The following SH3BGR variants were observed in gnomAD, a reference collection of about 807,000 sequenced individuals.
SH3BGR encodes SH3 domain binding glutamate rich protein, also known as SH3 domain-binding glutamic acid-rich protein.
In SH3BGR, 29 loss-of-function variants were observed where a neutral mutation model predicts 24.5. The ratio of observed to expected loss-of-function variants is 1.18; its 90% CI spans 0.88 to 1.61. SH3BGR has a LOEUF of 1.61. Ranked by LOEUF, SH3BGR falls within the 40% of genes most tolerant of loss-of-function variation. The pLI, the probability that SH3BGR is intolerant of heterozygous loss-of-function variation, is 0.00. For missense variants in SH3BGR, 162 were observed against 205.8 expected (o/e 0.79, Z 1.30); for synonymous variants, 55 against 65.7 (o/e 0.84, Z 0.79).
chr21:39,514,723 A>G (rs1028992368), intron 6 of SH3BGR, among the ~76,000 whole-genome samples: 3 of 151,984 alleles, frequency 2.0e-5, no homozygotes, highest in African/African-American at 7.3e-5. Flanking sequence ...ACTGGATTCT[A>G]CCTCCCCAAA....
chr21:39,452,437 G>A (rs1012419793), intron 1 of SH3BGR, among the ~76,000 whole-genome samples: 1 of 152,158 alleles, frequency 6.6e-6, no homozygotes, highest in Non-Finnish European at 1.5e-5. Context: ...TAGAAGCAGG[G>A]ACTTTTTTGT....
intron 4 of SH3BGR, among the ~76,000 whole-genome samples, chr21:39,508,452 C>T (rs2078621599): frequency 6.6e-6 from 1 of 152,226 alleles, no homozygotes; most frequent in Non-Finnish European, 1.5e-5. Context: ...CCCACCCACT[C>T]TTACCTTGCA....
chr21:39,506,088 C>T (rs910385656), intron 4 of SH3BGR, among the ~76,000 whole-genome samples: 11 of 152,184 alleles, frequency 7.2e-5, no homozygotes, highest in African/African-American at 2.7e-4. Flanking sequence ...ATCACTAACA[C>T]CTATTTATCG....
At chr21:39,506,554 G>A (rs553905294) in intron 4 of SH3BGR, among the ~76,000 whole-genome samples, 7 of 152,326 alleles carry the variant, frequency 4.6e-5, no homozygotes, top group Middle Eastern at 3.4e-3. Context: ...GGCAGAAGGC[G>A]AAGGAGGAGC....
intron 4 of SH3BGR, among the ~76,000 whole-genome samples, chr21:39,504,744 G>T (rs1336493164): frequency 1.3e-5 from 2 of 152,168 alleles, no homozygotes; most frequent in African/African-American, 4.8e-5. Flanking sequence ...GTCAATTCAA[G>T]CATTTTACAT....
At chr21:39,502,409 C>T (rs2078509968) in intron 4 of SH3BGR, among the ~76,000 whole-genome samples, 1 of 152,186 alleles carries the variant, frequency 6.6e-6, no homozygotes, top group Non-Finnish European at 1.5e-5. Context: ...CATCTTGAGG[C>T]TATTTCTTTT....
rs541927037 is a variant in SH3BGR, at chr21:39,509,301, G to A, written c.435+274G>A. ...TTCCGTGGTTTCTCACTGACATCAG[G>A]CCAGGCCAGGCCAGGGCACTGGCTG... On this transcript the variant is annotated intron_variant, in intron 5 of 6. Coordinates refer to ENST00000333634, the MANE Select transcript of SH3BGR (RefSeq NM_007341.3). Among the ~76,000 whole-genome samples, 12 of 152,194 alleles carry A rather than the reference G, an allele frequency of 7.9e-5. No individual in the cohort carries two copies. The East Asian group carries it at 2.1e-3, about 27-fold the overall frequency.
At chr21:39,489,894 A>G (rs1039389405) in intron 3 of SH3BGR, among the ~76,000 whole-genome samples, 2 of 152,234 alleles carry the variant, frequency 1.3e-5, no homozygotes, top group Non-Finnish European at 2.9e-5. Flanking sequence ...TATCTTGGAA[A>G]GATCTAGGAG....
Position 39,511,949 on chromosome 21 carries a change from C to G in SH3BGR, c.*34+140C>G. ...CCTTCCAAAGCCCTGGTCTGCACAC[C>G]TTTCTGGCGGGGTCCAGCTCCTTTC... On this transcript the variant is annotated intron_variant, in intron 6 of 6. Coordinates refer to ENST00000333634, the MANE Select transcript of SH3BGR (RefSeq NM_007341.3). The surrounding 1 kb of genome is among the most constrained non-coding windows in gnomAD (Gnocchi z 4.2). 2 of 758,434 alleles carry G rather than the reference C, an allele frequency of 2.6e-6. No homozygotes were observed. Among genetic ancestry groups the G allele is most frequent in the Non-Finnish European group, 3.9e-6 (2 of 511,816 alleles). The allele number at this position is 758,434 out of a possible 1,614,324, so 47.0% of individuals were successfully genotyped here. A position where few individuals can be genotyped will look rare whatever the true frequency, so the allele number is the denominator to read the frequency against.
chr21:39,471,915 C>G (rs999312650), intron 2 of SH3BGR, among the ~76,000 whole-genome samples: 5 of 152,084 alleles, frequency 3.3e-5, no homozygotes, highest in Admixed American at 2.6e-4. Context: ...TGATTGTTCT[C>G]TCTAGGTATT....
intron 3 of SH3BGR, among the ~76,000 whole-genome samples, chr21:39,491,008 A>G (rs916553165): frequency 2.6e-5 from 4 of 152,154 alleles, no homozygotes; most frequent in Non-Finnish European, 5.9e-5. Flanking sequence ...CTGGGATTAC[A>G]GGCATGAGCC....
At chr21:39,451,543 C>T (rs1449036429), upstream of SH3BGR, among the ~76,000 whole-genome samples, 3 of 152,154 alleles carry the variant, frequency 2.0e-5, no homozygotes, top group African/African-American at 7.2e-5. Flanking sequence ...AACAAAGTTG[C>T]TCTTTACTTA....
intron 2 of SH3BGR, among the ~76,000 whole-genome samples, chr21:39,463,640 T>A (rs1194890010): frequency 2.0e-5 from 3 of 152,198 alleles, no homozygotes; most frequent in Non-Finnish European, 4.4e-5. Context: ...ACTGCCACTG[T>A]CTGTTTTATA....
chr21:39,479,865 ATT>A (rs35260549), intron 3 of SH3BGR, among the ~76,000 whole-genome samples: 6 of 150,854 alleles, frequency 4.0e-5, no homozygotes, highest in East Asian at 3.9e-4. Flanking sequence ...TTCCGTAGAC[ATT>A]TTTTTTTTCC....
chr21:39,485,227 A>G (rs185465772), intron 3 of SH3BGR, among the ~76,000 whole-genome samples: 6 of 152,346 alleles, frequency 3.9e-5, no homozygotes, highest in Admixed American at 6.5e-5. Context: ...AATGTTTTCA[A>G]TTATGCCCTG....
At chr21:39,513,777 GA>G (rs1211528316) in intron 6 of SH3BGR, among the ~76,000 whole-genome samples, 1 of 152,052 alleles carries the variant, frequency 6.6e-6, no homozygotes, top group Admixed American at 6.6e-5. Context: ...CCTCATACCA[GA>G]AACAAAACAA....
chr21:39,511,848 C>A lies in SH3BGR; in HGVS notation c.*34+39C>A. On this transcript the variant is annotated intron_variant, in intron 6 of 6. Transcript: ENST00000333634. This position sits in a 1 kb window ranked among gnomAD's most constrained non-coding sequence, Gnocchi z 4.2. ...TCTGGGGTGGAAAAGCTGCTAGTTA[C>A]CGTACTGTATGCTATCTGCGGCACA... 6.4e-7 allele frequency: 1 copy of A among 1,565,906 alleles called. No homozygotes were observed.
intron 2 of SH3BGR, among the ~76,000 whole-genome samples, chr21:39,467,845 C>A (rs2077869194): frequency 6.6e-6 from 1 of 152,174 alleles, no homozygotes; most frequent in Non-Finnish European, 1.5e-5. Context: ...CCAGTTTGAA[C>A]TTCTGCTACT....
At chr21:39,473,799 C>T (rs1282156966) in intron 2 of SH3BGR, among the ~76,000 whole-genome samples, 2 of 151,564 alleles carry the variant, frequency 1.3e-5, no homozygotes, top group Non-Finnish European at 2.9e-5. Context: ...GCAGGAGAAT[C>T]GCTTGAACCC....
Sources: allele counts gnomAD v4.1 joint callset (sites outside exome capture counted in the v4.1 genomes callset), GRCh38; gene constraint gnomAD v4.1.1; non-coding constraint Gnocchi (gnomAD v3.1); transcripts MANE v1.5; gene names NCBI Gene and HGNC (gene_info 2026-07-23, HGNC 2026-07-21).